CSMD1: variants seen among roughly 807,000 people sequenced by gnomAD.
The protein encoded by CSMD1 is CUB and sushi domain-containing protein 1.
A neutral mutation model predicts 417.5 loss-of-function variants in CSMD1; 213 were observed. The ratio of observed to expected loss-of-function variants is 0.51; its 90% CI spans 0.46 to 0.57. CSMD1 has a LOEUF of 0.57. Ranked by LOEUF, CSMD1 falls within the 20% of genes least tolerant of loss-of-function variation. CSMD1 has a pLI of 0.00. For missense variants in CSMD1, 6,923 were observed against 4,529.7 expected (o/e 1.53, Z -15.17); for synonymous variants, 2,862 against 1,736.8 (o/e 1.65, Z -16.11).
intron 10 of CSMD1, among the ~76,000 whole-genome samples, chr8:3,549,809 T>G: frequency 6.6e-6 from 1 of 152,090 alleles, no homozygotes; most frequent in East Asian, 1.9e-4. Context: ...ACACTCCCTT[T>G]CTCTATAAAC....
intron 1 of CSMD1, among the ~76,000 whole-genome samples, chr8:4,936,690 A>G (rs1004738177): frequency 6.6e-6 from 1 of 152,230 alleles, no homozygotes; most frequent in African/African-American, 2.4e-5. Context: ...TGACTAGTAA[A>G]TATTTCACTG....
At chr8:4,663,623 C>T (rs1189865523) in intron 1 of CSMD1, among the ~76,000 whole-genome samples, 1 of 152,172 alleles carries the variant, frequency 6.6e-6, no homozygotes, top group African/African-American at 2.4e-5. Flanking sequence ...GAAGACATGC[C>T]TACTTTCCCT....
At chr8:3,407,140 T>C (rs1488198182) in intron 14 of CSMD1, among the ~76,000 whole-genome samples, 1 of 150,536 alleles carries the variant, frequency 6.6e-6, no homozygotes, top group Non-Finnish European at 1.5e-5. Context: ...GATGAATGCA[T>C]GCATGCATGG....
rs368378471 is a variant in CSMD1, at chr8:4,934,222, T to G, written c.85+60110A>C. On this transcript the variant is annotated intron_variant, in intron 1 of 69. Coordinates refer to ENST00000635120, the MANE Select transcript of CSMD1 (RefSeq NM_033225.6). ...CAGAAGCAAAGCTCCTCCAACATTTTTATCCAGACATCCCCCAAGGCAGAA... is the reference window on the plus strand; with the variant it reads ...CAGAAGCAAAGCTCCTCCAACATTTGTATCCAGACATCCCCCAAGGCAGAA... Among the ~76,000 whole-genome samples the G allele has an allele frequency of 3.3e-5, 5 of 152,244 alleles. 1 individual carries two copies. The highest frequency in any genetic ancestry group is 2.1e-4 in the South Asian group (1 of 4,824).
chr8:3,645,885 T>C (rs1477515604), intron 7 of CSMD1, among the ~76,000 whole-genome samples: 7 of 152,232 alleles, frequency 4.6e-5, no homozygotes, highest in African/African-American at 4.8e-5. Context: ...GCAAATTACA[T>C]ATGAATACTA....
intron 3 of CSMD1, among the ~76,000 whole-genome samples, chr8:4,143,302 G>A (rs952476215): frequency 6.7e-6 from 1 of 149,462 alleles, no homozygotes; most frequent in Non-Finnish European, 1.5e-5. Flanking sequence ...CAGCTTTGTA[G>A]TATTGCTTTT....
At chr8:4,122,218 T>C (rs1416914338) in intron 3 of CSMD1, among the ~76,000 whole-genome samples, 1 of 152,216 alleles carries the variant, frequency 6.6e-6, no homozygotes, top group African/African-American at 2.4e-5. Context: ...GTCTATTTGC[T>C]GACTTTTGTG....
chr8:3,494,552 G>A (rs1372036474), intron 10 of CSMD1, among the ~76,000 whole-genome samples: 3 of 129,046 alleles, frequency 2.3e-5, no homozygotes, highest in Admixed American at 8.5e-5. Context: ...AGACAGATTA[G>A]ATGATAGATA....
chr8:3,309,928 T>C (rs1172182878), intron 23 of CSMD1, among the ~76,000 whole-genome samples: 1 of 152,136 alleles, frequency 6.6e-6, no homozygotes, highest in Non-Finnish European at 1.5e-5. Flanking sequence ...TTTCCTTCCA[T>C]AAAGTTTCCT....
At chr8:4,019,344 G>C (rs188416249) in intron 4 of CSMD1, among the ~76,000 whole-genome samples, 8 of 152,154 alleles carry the variant, frequency 5.3e-5, no homozygotes, top group African/African-American at 1.2e-4. Flanking sequence ...ATCTGGGAGG[G>C]AGAGTTTTGT....
intron 5 of CSMD1, among the ~76,000 whole-genome samples, chr8:3,966,860 C>T (rs1343272470): frequency 6.6e-6 from 1 of 152,196 alleles, no homozygotes; most frequent in Non-Finnish European, 1.5e-5. Flanking sequence ...CTCTATTATG[C>T]TGCATACAAC....
intron 3 of CSMD1, among the ~76,000 whole-genome samples, chr8:4,339,895 C>T (rs985226376): frequency 5.3e-5 from 8 of 151,982 alleles, no homozygotes; most frequent in Admixed American, 6.6e-5. Flanking sequence ...CATGGTGGCA[C>T]GCACCAGTAG....
chr8:3,647,149 G>T (rs1474250360), intron 7 of CSMD1, among the ~76,000 whole-genome samples: 1 of 152,126 alleles, frequency 6.6e-6, no homozygotes, highest in Admixed American at 6.5e-5. Context: ...GCTTGTAGGG[G>T]TGGATGGTCC....
chr8:3,881,542 T>G (rs1037866988), intron 5 of CSMD1, among the ~76,000 whole-genome samples: 1 of 149,182 alleles, frequency 6.7e-6, no homozygotes, highest in Non-Finnish European at 1.5e-5. Flanking sequence ...GAGGCTGAGG[T>G]TGCATTGAGC....
chr8:3,423,430 C>T (rs1193360691), intron 12 of CSMD1, among the ~76,000 whole-genome samples: 3 of 152,190 alleles, frequency 2.0e-5, no homozygotes, highest in Non-Finnish European at 2.9e-5. Context: ...TCATAGGGTA[C>T]ACACATTTTT....
At chr8:4,369,869 G>T (rs1292666597) in intron 3 of CSMD1, among the ~76,000 whole-genome samples, 1 of 152,102 alleles carries the variant, frequency 6.6e-6, no homozygotes, top group Admixed American at 6.6e-5. Context: ...AGAGAGTTGG[G>T]TCTTGCTTCT....
intron 1 of CSMD1, among the ~76,000 whole-genome samples, chr8:4,761,845 AT>A (rs1812093606): frequency 3.4e-5 from 2 of 58,202 alleles, no homozygotes; most frequent in Non-Finnish European, 7.2e-5. Flanking sequence ...GCATCTATCT[AT>A]CTATCTATCT....
intron 5 of CSMD1, among the ~76,000 whole-genome samples, chr8:3,874,088 C>G (rs1585123197): frequency 6.6e-6 from 1 of 152,192 alleles, no homozygotes; most frequent in African/African-American, 2.4e-5. Context: ...CTGTGCTATC[C>G]TCAGGCTGGG....
At chr8:4,201,071 A>G (rs185785665) in intron 3 of CSMD1, among the ~76,000 whole-genome samples, 1 of 152,194 alleles carries the variant, frequency 6.6e-6, no homozygotes, top group African/African-American at 2.4e-5. Flanking sequence ...CTTTCTACCT[A>G]GATAACCTTG....
Sources: allele counts gnomAD v4.1 joint callset (sites outside exome capture counted in the v4.1 genomes callset), GRCh38; gene constraint gnomAD v4.1.1; transcripts MANE v1.5; gene names NCBI Gene and HGNC (gene_info 2026-07-23, HGNC 2026-07-21).